The following FARP1 variants were observed in gnomAD, a reference collection of about 807,000 sequenced individuals.
FARP1 encodes FERM, ARHGEF and pleckstrin domain-containing protein 1.
A neutral mutation model predicts 128.8 loss-of-function variants in FARP1; 52 were observed. That is an observed-to-expected ratio of 0.40 (90% confidence interval 0.32 to 0.51). The LOEUF (loss-of-function observed/expected upper bound fraction) is 0.51. FARP1 is among the 20% of genes least tolerant of loss of function. FARP1 has a pLI of 0.45. For missense variants in FARP1, 1,333 were observed against 1,367.9 expected, an observed-to-expected ratio of 0.97 and a Z score of 0.40; for synonymous variants, 580 against 551.8, an observed-to-expected ratio of 1.05 and a Z score of -0.72.
In FARP1 at chr13:98,213,392, C is replaced by G. The variant is rs769784922; in HGVS notation, c.150C>G (p.Thr50=). 8 of 1,613,772 alleles carry G rather than the reference C, an allele frequency of 5.0e-6. No individual in the cohort carries two copies. In the Admixed American group the frequency reaches 1.3e-4, roughly 27 times the overall value. The change falls in exon 2 of 27, where the codon ACC becomes ACG. Residue 50 remains threonine (T), a synonymous_variant. Transcript: ENST00000319562. The stretch of plus-strand genomic sequence containing the variant: ...TCAAAATCCAGATGCTGGATGACAC[C>G]CAGGAGGCATTTGAAGTTCCAGTAA... ...VSIKIQMLDD[T]QEAFEVPQRA...
intron 1 of FARP1, among the ~76,000 whole-genome samples, chr13:98,206,469 G>T (rs1312916265): frequency 6.6e-6 from 1 of 152,056 alleles, no homozygotes; most frequent in East Asian, 1.9e-4. Context: ...TTGAAGCTCC[G>T]CCATTTTTAT....
Position 98,312,427 on chromosome 13 carries a change from C to G in FARP1, c.172-31335C>G, listed in dbSNP as rs991306699. 9.8e-5 allele frequency among the ~76,000 whole-genome samples: 15 copies of G among 152,320 alleles called. No individual in the cohort carries two copies. In the South Asian group the frequency reaches 1.2e-3, roughly 13 times the overall value. ...ATGCTGGGATTACAGGCGTGAGACA[C>G]TGCGCCCAGCCAGTAAATGCTATTT... On this transcript the variant is annotated intron_variant, in intron 2 of 26. Transcript: ENST00000319562.
intron 2 of FARP1, chr13:98,234,646 T>G (rs1235170508): frequency 6.6e-6 from 1 of 152,164 alleles, no homozygotes; most frequent in African/African-American, 2.4e-5. Context: ...AAATTAAACC[T>G]GAAATATGTT....
At chr13:98,365,270 A>G in intron 3 of FARP1, 125 bp from the exon 4 acceptor site, 1 of 658,214 alleles carries the variant, frequency 1.5e-6, no homozygotes, top group Non-Finnish European at 2.7e-6. Context: ...CTGGAGAAAA[A>G]TGGAACAGGC....
intron 1 of FARP1, among the ~76,000 whole-genome samples, chr13:98,181,521 CATT>C (rs1213146972): frequency 6.6e-6 from 1 of 151,340 alleles, no homozygotes; most frequent in East Asian, 1.9e-4. Context: ...GATACATTCT[CATT>C]ATAAAAAAAA....
chr13:98,293,888 G>A (rs1287695432), intron 2 of FARP1, among the ~76,000 whole-genome samples: 2 of 152,180 alleles, frequency 1.3e-5, no homozygotes, highest in Admixed American at 6.5e-5. Flanking sequence ...TCACTATTGA[G>A]TCAACAAATC....
rs1286354731 is a variant in FARP1, at chr13:98,144,244, A to G, written c.-24+752A>G. Among the ~76,000 whole-genome samples the G allele has an allele frequency of 2.0e-5, 3 of 150,308 alleles. No individual in the cohort carries two copies. The South Asian group carries it at 6.3e-4, about 32-fold the overall frequency. On this transcript the variant is annotated intron_variant, in intron 1 of 26. Coordinates refer to ENST00000319562, the MANE Select transcript of FARP1 (RefSeq NM_005766.4). ...TGTGTGTGTTTTATTTGAGGGGGGGAAATACGAATTCCCTGTAATGAGTCT... is the reference window on the plus strand; with the variant it reads ...TGTGTGTGTTTTATTTGAGGGGGGGGAATACGAATTCCCTGTAATGAGTCT...
chr13:98,273,832 C>T (rs1242198892), intron 2 of FARP1, among the ~76,000 whole-genome samples: 8 of 152,326 alleles, frequency 5.3e-5, no homozygotes, highest in African/African-American at 1.4e-4. Flanking sequence ...CACACAGTAG[C>T]GGGCCCAGCA....
intron 2 of FARP1, among the ~76,000 whole-genome samples, chr13:98,295,100 CACACATAT>C (rs1305178147): frequency 0.024 from 573 of 23,658 alleles, 22 homozygotes; most frequent in African/African-American, 0.058. Flanking sequence ...CACACACACA[CACACATAT>C]ATCCCCAGGC....
Position 98,453,130 on chromosome 13 carries a change from GA to G in FARP1, c.*4815del. 6.2e-7 allele frequency: 1 copy of G among 1,608,920 alleles called. No individual in the cohort carries two copies. On this transcript the variant is annotated 3_prime_UTR_variant, in exon 27 of 27. Transcript: ENST00000319562. ...ACTTTTAAAAAAGGAGGAGGATGAA[GA>G]AGGAAAAAAGGAAAAACAAAACCCC...
rs1414828591 is a variant in FARP1 at position 98,453,080 on chromosome 13, G to A, written c.*4763G>A. The A allele has an allele frequency of 4.1e-6, 6 of 1,462,830 alleles. No homozygotes were observed. In the African/African-American group the frequency reaches 5.6e-5, roughly 14 times the overall value. 90.6% of individuals were successfully genotyped at this position (1,462,830 alleles called of 1,614,324 possible). On this transcript the variant is annotated 3_prime_UTR_variant, in exon 27 of 27. Coordinates refer to ENST00000319562, the MANE Select transcript of FARP1 (RefSeq NM_005766.4). ...TGGCTCCCAGTGGCGCACCTCTTCGGTGGAGTCAGCGAAGGCTCTCGTTGA... is the reference window on the plus strand; with the variant it reads ...TGGCTCCCAGTGGCGCACCTCTTCGATGGAGTCAGCGAAGGCTCTCGTTGA...
At chr13:98,159,114 T>C (rs1274262067) in intron 1 of FARP1, among the ~76,000 whole-genome samples, 4 of 152,232 alleles carry the variant, frequency 2.6e-5, no homozygotes, top group African/African-American at 7.2e-5. Flanking sequence ...GCAAAGTGCA[T>C]GTAGGAGACG....
At chr13:98,286,335 T>C (rs1885165863) in intron 2 of FARP1, among the ~76,000 whole-genome samples, 1 of 152,164 alleles carries the variant, frequency 6.6e-6, no homozygotes, top group African/African-American at 2.4e-5. Flanking sequence ...CTTGATATGG[T>C]TTGGCTGTGT....
intron 1 of FARP1, among the ~76,000 whole-genome samples, chr13:98,193,549 G>A (rs993607203): frequency 6.6e-6 from 1 of 152,328 alleles, no homozygotes; most frequent in Non-Finnish European, 1.5e-5. Context: ...GGGCTTGCAT[G>A]TCATTAAAAC....
At chr13:98,334,732 T>C (rs1416003430) in intron 2 of FARP1, among the ~76,000 whole-genome samples, 1 of 152,166 alleles carries the variant, frequency 6.6e-6, no homozygotes, top group Non-Finnish European at 1.5e-5. Flanking sequence ...AGCTCTGATC[T>C]GATAGAACTA....
At position 98,388,615 on chromosome 13, in the gene FARP1, G is replaced by A. The variant is rs1197068836; in HGVS notation, c.855+137G>A. 14 of 667,644 alleles carry A rather than the reference G, an allele frequency of 2.1e-5. No homozygotes were observed. In the East Asian group the frequency reaches 2.4e-4, roughly 12 times the overall value. 41.4% of individuals were successfully genotyped at this position (667,644 alleles called of 1,614,324 possible). On this transcript the variant is annotated intron_variant, in intron 9 of 26. Coordinates refer to ENST00000319562, the MANE Select transcript of FARP1 (RefSeq NM_005766.4). ...CCCAGGTGCTTTTGTCCACATGAACGCCGAGCGTCTCTAGGACAGATGTAT... is the reference window on the plus strand; with the variant it reads ...CCCAGGTGCTTTTGTCCACATGAACACCGAGCGTCTCTAGGACAGATGTAT...
chr13:98,167,405 C>CT (rs11388623), intron 1 of FARP1, among the ~76,000 whole-genome samples: 77,374 of 129,700 alleles, frequency 0.6, 24,205 homozygotes, highest in Middle Eastern at 0.73. Context: ...AACAGTTTTA[C>CT]TTTTTTTTTT....
At chr13:98,250,932 T>A (rs1883292752) in intron 2 of FARP1, among the ~76,000 whole-genome samples, 1 of 152,190 alleles carries the variant, frequency 6.6e-6, no homozygotes, top group African/African-American at 2.4e-5. Flanking sequence ...AGTGCCTGTC[T>A]TCCCCACTTA....
At chr13:98,404,804 AAAAG>A (rs1464540861) in intron 13 of FARP1, 1 of 152,210 alleles carries the variant, frequency 6.6e-6, no homozygotes, top group Non-Finnish European at 1.5e-5. Context: ...AAAATTTTGG[AAAAG>A]AAAAATTGAG....
Sources: allele counts gnomAD v4.1 joint callset (sites outside exome capture counted in the v4.1 genomes callset), GRCh38; gene constraint gnomAD v4.1.1; transcripts MANE v1.5; gene names NCBI Gene and HGNC (gene_info 2026-07-23, HGNC 2026-07-21).